The following CPLANE1 variants were observed in gnomAD, a reference collection of about 807,000 sequenced individuals.
CPLANE1 encodes the protein ciliogenesis and planar polarity effector 1.
In CPLANE1, 263 loss-of-function variants were observed where a neutral mutation model predicts 362.5. That is an observed-to-expected ratio of 0.73 (90% confidence interval 0.66 to 0.80). CPLANE1 has a LOEUF of 0.80. CPLANE1 is among the 30% of genes least tolerant of loss of function. The pLI is 0.00. For synonymous variants in CPLANE1, 1,212 were observed against 1,302.6 expected (o/e 0.93, Z 1.50); for missense variants, 3,461 against 3,793.4 (o/e 0.91, Z 2.30).
Position 37,169,501 on chromosome 5 carries a change from G to C in CPLANE1, c.6523C>G (p.Pro2175Ala), listed in dbSNP as rs1561478892. 6.2e-7 allele frequency: 1 copy of C among 1,613,880 alleles called. No homozygotes were observed. Among genetic ancestry groups the C allele is most frequent in the East Asian group, 2.2e-5 (1 of 44,868 alleles). Reference sequence around the variant, plus strand: ...GGTAAGTTTTGAGATGATGGAATTGGTCCTTTTTTCCGGGGCTGGCCATTT... The same window carrying C: ...GGTAAGTTTTGAGATGATGGAATTGCTCCTTTTTTCCGGGGCTGGCCATTT... Reference protein sequence around the residue: ...QLNGQPRKKGPIPSSQNLPST... With the variant: ...QLNGQPRKKGAIPSSQNLPST... The change falls in exon 34 of 53, where the codon CCA becomes GCA. Residue 2175 changes from proline (P) to alanine (A), a missense_variant. By Grantham distance (27) the Pro-to-Ala change is conservative (BLOSUM62 -1). Transcript: ENST00000651892.
chr5:37,217,085 C>T (rs1794242241), intron 15 of CPLANE1, among the ~76,000 whole-genome samples: 1 of 152,084 alleles, frequency 6.6e-6, no homozygotes, highest in African/African-American at 2.4e-5. Flanking sequence ...GGGGGAAAAA[C>T]CACACTATTT....
chr5:37,138,400 C>T (rs1318535041), intron 46 of CPLANE1: 1 of 388,708 alleles, frequency 2.6e-6, no homozygotes. Context: ...GATCAGAAAG[C>T]CTATTTAAAA....
Position 37,169,245 on chromosome 5 carries a change from G to T in CPLANE1, c.6779C>A (p.Ala2260Asp). 6.2e-7 allele frequency: 1 copy of T among 1,614,158 alleles called. No homozygotes were observed. The highest frequency in any genetic ancestry group is 8.5e-7 in the Non-Finnish European group (1 of 1,180,034). ...TTGGAAGGAGTCAGATAATCCCCAA[G>T]CCTCTCTTGGTTGTGGCAAAGGCCT... ...PFRPLPQPRE[A>D]WGLSDSFQPA... Residue 2260 changes from alanine to aspartate, a missense_variant, in exon 34 of 53, where the codon GCT (alanine) becomes GAT (aspartate). By Grantham distance (126) the Ala-to-Asp change is moderately radical. Around this residue, in one of 2 missense-constraint regions of CPLANE1, gnomAD observed 3,380 missense variants for 3,666.1 expected, o/e 0.92. Coordinates refer to ENST00000651892, the MANE Select transcript of CPLANE1 (RefSeq NM_001384732.1).
In CPLANE1 at chr5:37,198,886, C is replaced by A. The variant is rs1788331173; in HGVS notation, c.3508-20G>T. On this transcript the variant is annotated intron_variant, in intron 19 of 52. Coordinates refer to ENST00000651892, the MANE Select transcript of CPLANE1 (RefSeq NM_001384732.1). ...ATCTTCCTGAGGAAAATAAAACAAT[C>A]CATTTTAGTGGCTAGTAATGAGAAA... The A allele has an allele frequency of 4.3e-6, 7 of 1,609,362 alleles. No individual in the cohort carries two copies. Among genetic ancestry groups the A allele is most frequent in the Non-Finnish European group, 5.9e-6 (7 of 1,176,716 alleles).
rs762349115 is a variant in CPLANE1, at chr5:37,198,826, T to C, written c.3548A>G (p.Asn1183Ser). The change falls in exon 20 of 53, where the codon AAT (asparagine) becomes AGT (serine). Residue 1183 changes from asparagine to serine, a missense_variant. This residue lies in a region of CPLANE1 where 3,380 missense variants were observed against 3,666.1 expected (regional missense o/e 0.92). Coordinates refer to ENST00000651892, the MANE Select transcript of CPLANE1 (RefSeq NM_001384732.1). ...DDLLLKAEKN[N>S]RQKVSGILQR... ...AAGGATTCCAGATACCTTCTGGCGA[T>C]TATTTTTTTCAGCTTTTAAAAGAAG... is the stretch of plus-strand genomic sequence containing the variant. The C allele has an allele frequency of 3.1e-6, 5 of 1,614,142 alleles. No individual in the cohort carries two copies. Among genetic ancestry groups the C allele is most frequent in the Admixed American group, 1.7e-5 (1 of 60,022 alleles).
Position 37,183,849 on chromosome 5 carries a change from C to T in CPLANE1, c.4482-150G>A, listed in dbSNP as rs78637219. The T allele has an allele frequency of 7.3e-3, 4,295 of 585,178 alleles. 155 individuals carry two copies. In the African/African-American group the frequency reaches 0.075, roughly 10 times the overall value. 36.2% of individuals were successfully genotyped at this position (585,178 alleles called of 1,614,324 possible). ...CTACATTTCAAATGAGGGAGTGGGA[C>T]TAAATGATTTCTAAGTGTTTTCAAG... On this transcript the variant is annotated intron_variant, in intron 25 of 52. Coordinates refer to ENST00000651892, the MANE Select transcript of CPLANE1 (RefSeq NM_001384732.1).
intron 6 of CPLANE1, among the ~76,000 whole-genome samples, chr5:37,242,580 C>T (rs1302882730): frequency 6.6e-5 from 10 of 151,870 alleles, no homozygotes; most frequent in Non-Finnish European, 4.4e-5. Context: ...AGAAGGGAAA[C>T]AAGACAAAAC....
the CPLANE1 span, among the ~76,000 whole-genome samples, chr5:37,084,256 T>G: frequency 3.3e-5 from 5 of 152,110 alleles, no homozygotes; most frequent in Non-Finnish European, 7.4e-5. Flanking sequence ...CAAGCCACCA[T>G]TACAAGAACA....
the CPLANE1 span, among the ~76,000 whole-genome samples, chr5:37,087,760 C>A: frequency 6.6e-6 from 1 of 152,170 alleles, no homozygotes; most frequent in Admixed American, 6.5e-5. Context: ...CTGGCCACAA[C>A]TTGTTTCTTT....
Position 37,226,919 on chromosome 5 carries a change from C to T in CPLANE1, c.1676G>A (p.Ser559Asn). Residue 559 changes from serine (S) to asparagine (N), a missense_variant, in exon 12 of 53, where the codon AGT becomes AAT. This residue lies in a region of CPLANE1 where 3,380 missense variants were observed against 3,666.1 expected (regional missense o/e 0.92). Coordinates refer to ENST00000651892, the MANE Select transcript of CPLANE1 (RefSeq NM_001384732.1). ...MFDTIHAKDD[S>N]EETDRTITEL... is the part of the protein sequence containing the mutation. ...TGTAATGGTTCTATCTGTCTCCTCA[C>T]TATCATCCTTTGCATGTATCGTATC... The T allele has an allele frequency of 6.4e-7, 1 of 1,551,932 alleles. No homozygotes were observed. The highest frequency in any genetic ancestry group is 8.7e-7 in the Non-Finnish European group (1 of 1,147,004).
intron 32 of CPLANE1, among the ~76,000 whole-genome samples, chr5:37,173,465 A>T (rs1780344262): frequency 6.6e-6 from 1 of 150,886 alleles, no homozygotes; most frequent in African/African-American, 2.4e-5. Flanking sequence ...TCCTAGTAGA[A>T]TTTTTTTTTC....
rs749069379 is a variant in CPLANE1, at chr5:37,154,014, A to C, written c.8120-21T>G. On this transcript the variant is annotated intron_variant, in intron 41 of 52. Coordinates refer to ENST00000651892, the MANE Select transcript of CPLANE1 (RefSeq NM_001384732.1). ...CAGACCTAAATATTAATAAGAATAAAAGCAGAATTGATTATAATTAAAGAA... is the reference window on the plus strand; with the variant it reads ...CAGACCTAAATATTAATAAGAATAACAGCAGAATTGATTATAATTAAAGAA... 3 of 1,570,698 alleles carry C rather than the reference A, an allele frequency of 1.9e-6. No homozygotes were observed. The Admixed American group carries it at 5.6e-5, about 30-fold the overall frequency.
At chr5:37,236,615 A>T (rs1445799100) in intron 8 of CPLANE1, among the ~76,000 whole-genome samples, 2 of 152,084 alleles carry the variant, frequency 1.3e-5, no homozygotes, top group East Asian at 3.9e-4. Flanking sequence ...AAAAGACACA[A>T]TTGAAGTAAA....
At chr5:37,145,082 G>A (rs1188978900) in intron 43 of CPLANE1, among the ~76,000 whole-genome samples, 1 of 152,148 alleles carries the variant, frequency 6.6e-6, no homozygotes, top group African/African-American at 2.4e-5. Flanking sequence ...GAGGCAGGCA[G>A]ATCACAAGGT....
intron 15 of CPLANE1, among the ~76,000 whole-genome samples, chr5:37,219,878 T>C (rs1794982486): frequency 6.6e-6 from 1 of 152,214 alleles, no homozygotes; most frequent in South Asian, 2.1e-4. Context: ...TTGTTTCCTT[T>C]CTACTTTTCT....
chr5:37,129,751 T>C (rs1246028089), intron 46 of CPLANE1, among the ~76,000 whole-genome samples: 1 of 152,204 alleles, frequency 6.6e-6, no homozygotes, highest in African/African-American at 2.4e-5. Context: ...TAATAGATGT[T>C]GGCAGGGATG....
At chr5:37,085,087 A>G in the CPLANE1 span, 14 of 727,668 alleles carry the variant, frequency 1.9e-5, no homozygotes, top group South Asian at 1.6e-4. Flanking sequence ...CATCTGAAGT[A>G]GGTAGCAACT....
intron 51 of CPLANE1, among the ~76,000 whole-genome samples, 184 bp downstream of exon 51, chr5:37,114,776 T>A (rs1760425186): frequency 6.6e-6 from 1 of 151,886 alleles, no homozygotes; most frequent in Non-Finnish European, 1.5e-5. Flanking sequence ...GGTGGGCACC[T>A]GTAATCCCAG....
intron 44 of CPLANE1, chr5:37,140,132 T>C: frequency 1.1e-6 from 1 of 878,222 alleles, no homozygotes; most frequent in Non-Finnish European, 1.4e-6. Context: ...ACACTTAATC[T>C]ATTCAGTCTT....
Sources: gnomAD v4.1 joint callset for allele counts (sites outside exome capture counted in the v4.1 genomes callset) on GRCh38, gnomAD v4.1.1 for gene constraint, gnomAD v4.1.1 regional missense constraint, MANE v1.5 for transcripts, NCBI Gene and HGNC (gene_info 2026-07-23, HGNC 2026-07-21) for gene names.